The following NRXN3 variants were observed in gnomAD, a reference collection of about 807,000 sequenced individuals.
The protein encoded by NRXN3 is neurexin 3, also known as neurexin III.
In NRXN3, 32 loss-of-function variants were observed where a neutral mutation model predicts 137.6. The ratio of observed to expected loss-of-function variants is 0.23; its 90% CI spans 0.18 to 0.31. The LOEUF (loss-of-function observed/expected upper bound fraction) is 0.31. NRXN3 is among the 10% of genes least tolerant of loss of function. The probability of loss-of-function intolerance (pLI) is 1.00; values close to 1 mark genes in which losing one functional copy is unlikely to be tolerated. For missense variants in NRXN3, 1,574 were observed against 2,062.5 expected (o/e 0.76, Z 4.59); for synonymous variants, 798 against 784.5 (o/e 1.02, Z -0.29).
At chr14:79,188,110 C>T (rs1408238936) in intron 15 of NRXN3, among the ~76,000 whole-genome samples, 1 of 152,304 alleles carries the variant, frequency 6.6e-6, no homozygotes, top group Admixed American at 6.5e-5. Flanking sequence ...GCAAAGAAAA[C>T]ATCTGTAACA....
intron 10 of NRXN3, among the ~76,000 whole-genome samples, chr14:78,927,302 A>G (rs1339789664): frequency 6.6e-6 from 1 of 151,778 alleles, no homozygotes. Context: ...CAGAATCCTG[A>G]TTCCTGAGTC....
At chr14:79,629,819 G>A (rs1243506096) in intron 16 of NRXN3, among the ~76,000 whole-genome samples, 1 of 73,160 alleles carries the variant, frequency 1.4e-5, no homozygotes, top group Non-Finnish European at 2.4e-5. Context: ...ATGTGCGTGT[G>A]TGTGTGCGTG....
At chr14:79,370,490 G>GT (rs946589563) in intron 15 of NRXN3, among the ~76,000 whole-genome samples, 7 of 151,496 alleles carry the variant, frequency 4.6e-5, no homozygotes, top group Admixed American at 2.6e-4. Flanking sequence ...GGCTAATTTT[G>GT]TTTTTTTAGT....
chr14:79,375,251 T>TC (rs1491187085), intron 15 of NRXN3, among the ~76,000 whole-genome samples: 4 of 149,256 alleles, frequency 2.7e-5, no homozygotes, highest in African/African-American at 5.0e-5. Flanking sequence ...TTTTTTTTTT[T>TC]CCTTAAACAC....
chr14:78,474,152 G>C lies in NRXN3; in HGVS notation c.758-170968G>C, dbSNP rs17107696. Among the ~76,000 whole-genome samples the C allele has an allele frequency of 5.7e-3, 870 of 152,282 alleles. 41 individuals carry two copies. In the East Asian group the frequency reaches 0.097, roughly 17 times the overall value. ...AGTGGTCCTCTGAAAAACCAGCTTA[G>C]AGGACTAATTATCATTCATCTGATA... is the stretch of plus-strand genomic sequence containing the variant. On this transcript the variant is annotated intron_variant, in intron 4 of 20. Transcript: ENST00000335750.
rs376137601 is a variant in NRXN3 at position 79,313,755 on chromosome 14, C to T, written c.3263-153466C>T. Among the ~76,000 whole-genome samples the T allele has an allele frequency of 9.4e-4, 66 of 70,480 alleles. 1 individual carries two copies. In the South Asian group the frequency reaches 0.013, roughly 14 times the overall value. The allele number at this position is 70,480 out of a possible 152,430, so 46.2% of individuals were successfully genotyped here. ...GCTCCTGAGGCTTCTGCATTCTTCA[C>T]GTAGTTCTGGAGCCTTGGTTTTCAG... On this transcript the variant is annotated intron_variant, in intron 15 of 20. Coordinates refer to ENST00000335750, the MANE Select transcript of NRXN3 (RefSeq NM_001330195.2).
intron 19 of NRXN3, among the ~76,000 whole-genome samples, chr14:79,753,077 C>A (rs569443998): frequency 9.0e-4 from 136 of 151,320 alleles, no homozygotes; most frequent in African/African-American, 3.0e-3. Context: ...ACAACAGGTG[C>A]TGGAGAGGAT....
chr14:79,802,964 G>A (rs1311050092), intron 19 of NRXN3, among the ~76,000 whole-genome samples: 6 of 152,044 alleles, frequency 3.9e-5, no homozygotes, highest in African/African-American at 1.4e-4. Flanking sequence ...TGGGCTGATA[G>A]GCGCAGCAAA....
At chr14:79,505,416 C>CA (rs2096868798) in intron 16 of NRXN3, among the ~76,000 whole-genome samples, 1 of 152,062 alleles carries the variant, frequency 6.6e-6, no homozygotes, top group East Asian at 1.9e-4. Context: ...TTCCTGGTAT[C>CA]AAAATCCAAT....
chr14:78,271,900 G>A (rs1035564543), intron 2 of NRXN3, among the ~76,000 whole-genome samples: 14 of 152,202 alleles, frequency 9.2e-5, no homozygotes, highest in Non-Finnish European at 1.8e-4. Flanking sequence ...GAAGAGCTCA[G>A]ACACTGAGAG....
intron 19 of NRXN3, among the ~76,000 whole-genome samples, chr14:79,768,925 T>TA (rs1259067533): frequency 6.6e-6 from 1 of 150,946 alleles, no homozygotes; most frequent in Non-Finnish European, 1.5e-5. Context: ...GAGAAGTGCT[T>TA]AAAGGAGCTG....
At chr14:78,668,317 T>A (rs2097905002) in intron 6 of NRXN3, among the ~76,000 whole-genome samples, 1 of 152,192 alleles carries the variant, frequency 6.6e-6, no homozygotes, top group Non-Finnish European at 1.5e-5. Flanking sequence ...TCTATTATTA[T>A]ATTTTAGGTA....
At chr14:79,267,862 T>C (rs2078686121) in intron 15 of NRXN3, among the ~76,000 whole-genome samples, 1 of 152,240 alleles carries the variant, frequency 6.6e-6, no homozygotes, top group Admixed American at 6.5e-5. Context: ...ACTGATGATA[T>C]GGAATGTTAT....
chr14:79,361,996 A>ATT (rs1555399871), intron 15 of NRXN3, among the ~76,000 whole-genome samples: 38 of 142,106 alleles, frequency 2.7e-4, no homozygotes, highest in African/African-American at 8.4e-4. Flanking sequence ...CTACTTTTAT[A>ATT]ATTATTATTA....
intron 8 of NRXN3, among the ~76,000 whole-genome samples, chr14:78,765,424 A>T (rs1391004519): frequency 6.6e-6 from 1 of 152,132 alleles, no homozygotes; most frequent in Non-Finnish European, 1.5e-5. Context: ...AAGTGCTGGG[A>T]TTACAGGCAT....
At chr14:79,030,635 C>CTTTTTTTTTTTT in intron 15 of NRXN3, among the ~76,000 whole-genome samples, 55 of 54,236 alleles carry the variant, frequency 1.0e-3, no homozygotes, top group African/African-American at 1.2e-3. Flanking sequence ...TTCTCTGTGT[C>CTTTTTTTTTTTT]TTTTTTTTTT....
Position 79,694,742 on chromosome 14 carries a change from T to G in NRXN3, c.3706+2480T>G, listed in dbSNP as rs1014645358. Among the ~76,000 whole-genome samples, 15 of 152,022 alleles carry G rather than the reference T, an allele frequency of 9.9e-5. No homozygotes were observed. In the South Asian group the frequency reaches 1.5e-3, roughly 15 times the overall value. ...CACTAACCCCTGTTTATCTGAGAGA[T>G]AAATTAATCAGAGTAAGGGATGGCA... On this transcript the variant is annotated intron_variant, in intron 18 of 20. Coordinates refer to ENST00000335750, the MANE Select transcript of NRXN3 (RefSeq NM_001330195.2).
intron 15 of NRXN3, among the ~76,000 whole-genome samples, chr14:79,088,077 CCTTTG>C (rs2048468507): frequency 6.7e-6 from 1 of 149,932 alleles, no homozygotes; most frequent in African/African-American, 2.5e-5. Context: ...GCTAGGTTCT[CCTTTG>C]CTACATGGAG....
chr14:78,502,948 G>A (rs556285801), intron 4 of NRXN3, among the ~76,000 whole-genome samples: 14 of 152,304 alleles, frequency 9.2e-5, no homozygotes, highest in African/African-American at 3.1e-4. Flanking sequence ...TACATTCTAT[G>A]TGTATTTGTG....
Sources: allele counts gnomAD v4.1 joint callset (sites outside exome capture counted in the v4.1 genomes callset), GRCh38; gene constraint gnomAD v4.1.1; transcripts MANE v1.5; gene names NCBI Gene and HGNC (gene_info 2026-07-23, HGNC 2026-07-21).